The following IL1RAPL2 variants were observed in gnomAD, a reference collection of about 807,000 sequenced individuals.
IL1RAPL2 encodes the protein interleukin 1 receptor accessory protein like 2.
IL1RAPL2 carries 3 observed loss-of-function variants against 44.1 expected under a neutral mutation model. That is an observed-to-expected ratio of 0.07 (90% CI 0.03 to 0.18). The LOEUF (loss-of-function observed/expected upper bound fraction) is 0.18. IL1RAPL2 is among the 10% of genes least tolerant of loss of function. The pLI is 1.00. For synonymous variants in IL1RAPL2, 181 were observed against 178.8 expected (o/e 1.01, Z -0.10); for missense variants, 391 against 496.4 (o/e 0.79, Z 2.02).
chrX:105,013,865 C>T (rs2031114140), intron 2 of IL1RAPL2, among the ~76,000 whole-genome samples: 1 of 111,737 alleles, frequency 8.9e-6, no homozygotes, highest in South Asian at 3.7e-4. Flanking sequence ...TACATATTGC[C>T]TTACATAAAA....
chrX:105,710,208 C>A (rs1480343389), intron 6 of IL1RAPL2, among the ~76,000 whole-genome samples: 1 of 110,705 alleles, frequency 9.0e-6, no homozygotes, highest in East Asian at 2.9e-4. Context: ...GTCTCAGTCT[C>A]TCTTTGTCTA....
intron 2 of IL1RAPL2, among the ~76,000 whole-genome samples, chrX:105,055,353 G>A (rs2031978852): frequency 9.0e-6 from 1 of 111,484 alleles, no homozygotes; most frequent in South Asian, 3.8e-4. Flanking sequence ...ATCAAACTGG[G>A]GATTAGGTTT....
chrX:104,969,796 T>C (rs939440502), intron 2 of IL1RAPL2, among the ~76,000 whole-genome samples: 7 of 112,075 alleles, frequency 6.2e-5, no homozygotes, highest in Non-Finnish European at 9.4e-5. Flanking sequence ...TAGAGACATC[T>C]AAGTTACATC....
At chrX:105,209,278 T>C (rs1233426800) in intron 3 of IL1RAPL2, among the ~76,000 whole-genome samples, 1 of 112,191 alleles carries the variant, frequency 8.9e-6, no homozygotes, top group Non-Finnish European at 1.9e-5. Flanking sequence ...AAATAAAATA[T>C]AGTTTAATTT....
chrX:105,395,142 ACT>A (rs1403137416), intron 5 of IL1RAPL2, among the ~76,000 whole-genome samples: 1 of 111,254 alleles, frequency 9.0e-6, no homozygotes, highest in Non-Finnish European at 1.9e-5. Context: ...TAGTATAGAG[ACT>A]CTATGAATTT....
intron 2 of IL1RAPL2, among the ~76,000 whole-genome samples, chrX:104,989,572 T>C (rs1422264515): frequency 9.0e-6 from 1 of 111,697 alleles, no homozygotes; most frequent in Non-Finnish European, 1.9e-5. Flanking sequence ...ATTCATACAG[T>C]CCTCTTACTG....
In IL1RAPL2 at chrX:105,564,353, T is replaced by C. The variant is rs188089360; in HGVS notation, c.772+79966T>C. 4.6e-4 allele frequency among the ~76,000 whole-genome samples: 52 copies of C among 112,068 alleles called. No individual in the cohort carries two copies. The Admixed American group carries it at 4.8e-3, about 10-fold the overall frequency. On this transcript the variant is annotated intron_variant, in intron 6 of 10. Transcript: ENST00000372582. ...GTAGTTTTTCAGTGAGACCTGGTGT[T>C]TACATGTGAATAGCCCTTGAGTAGT...
At chrX:105,416,087 T>C (rs899181662) in intron 5 of IL1RAPL2, among the ~76,000 whole-genome samples, 1 of 112,072 alleles carries the variant, frequency 8.9e-6, no homozygotes, top group Admixed American at 9.5e-5. Flanking sequence ...ACCTTTTGGC[T>C]TATATTTGTT....
intron 2 of IL1RAPL2, among the ~76,000 whole-genome samples, chrX:105,142,818 C>G (rs2033138121): frequency 9.2e-6 from 1 of 109,234 alleles, no homozygotes; most frequent in Admixed American, 9.9e-5. Context: ...TGATGTTCCC[C>G]TTCCTGTGTC....
chrX:105,233,691 T>G (rs1184442472), intron 3 of IL1RAPL2, 127 bp from the exon 4 acceptor site: 1 of 523,657 alleles, frequency 1.9e-6, no homozygotes, highest in Non-Finnish European at 3.2e-6. Context: ...CTGTGTTGCT[T>G]TGATGTTTTT....
At chrX:105,037,526 C>T (rs1308909147) in intron 2 of IL1RAPL2, among the ~76,000 whole-genome samples, 1 of 110,736 alleles carries the variant, frequency 9.0e-6, no homozygotes, top group Non-Finnish European at 1.9e-5. Context: ...GTCAATAGGC[C>T]AGGCTTCAAA....
chrX:105,480,480 T>G (rs759797723), intron 5 of IL1RAPL2, among the ~76,000 whole-genome samples: 1 of 112,126 alleles, frequency 8.9e-6, no homozygotes, highest in South Asian at 3.7e-4. Flanking sequence ...AAGCAGCTAC[T>G]GAGGAAAGTG....
At chrX:105,274,937 G>A (rs1482199444) in intron 5 of IL1RAPL2, among the ~76,000 whole-genome samples, 1 of 112,235 alleles carries the variant, frequency 8.9e-6, no homozygotes, top group Non-Finnish European at 1.9e-5. Context: ...GAGCCCAGGT[G>A]TGGTGGCTCA....
At position 105,468,560 on chromosome X, in the gene IL1RAPL2, A is replaced by C. The variant is rs776655523; in HGVS notation, c.698-15753A>C. ...TTAAATTTCTTAATAATTTTTGAAC[A>C]AGGGGCCATGTTTTTCATTTTGCAC... On this transcript the variant is annotated intron_variant, in intron 5 of 10. Coordinates refer to ENST00000372582, the MANE Select transcript of IL1RAPL2 (RefSeq NM_017416.2). Among the ~76,000 whole-genome samples, 12 of 111,838 alleles carry C rather than the reference A, an allele frequency of 1.1e-4. No individual in the cohort carries two copies. The South Asian group carries it at 4.5e-3, about 42-fold the overall frequency.
rs1413870107 is a variant in IL1RAPL2, at chrX:104,673,820, T to G, written c.82+14825T>G. Reference sequence around the variant, plus strand: ...CCTTGAAGAGGTCCTTCACATCCCTTGTAAGTTGGATTCCTAGGTATTTTA... The same window carrying G: ...CCTTGAAGAGGTCCTTCACATCCCTGGTAAGTTGGATTCCTAGGTATTTTA... On this transcript the variant is annotated intron_variant, in intron 2 of 10. Transcript: ENST00000372582. Among the ~76,000 whole-genome samples the G allele has an allele frequency of 2.8e-4, 30 of 108,532 alleles. No individual in the cohort carries two copies. In the East Asian group the frequency reaches 8.1e-3, roughly 29 times the overall value. The allele number at this position is 108,532 out of a possible 115,157, so 94.2% of individuals were successfully genotyped here.
At chrX:105,037,194 A>C (rs1262843559) in intron 2 of IL1RAPL2, among the ~76,000 whole-genome samples, 3 of 111,794 alleles carry the variant, frequency 2.7e-5, no homozygotes, top group Non-Finnish European at 3.8e-5. Flanking sequence ...TCTTGATGTC[A>C]GAATTGGTTG....
Position 105,757,743 on chromosome X carries a change from C to T in IL1RAPL2, c.1363+2396C>T, listed in dbSNP as rs567089094. On this transcript the variant is annotated intron_variant, in intron 10 of 10. Coordinates refer to ENST00000372582, the MANE Select transcript of IL1RAPL2 (RefSeq NM_017416.2). ...TTGATTTTAATCCTTCCTTCCTGAA[C>T]GAGGAAATTCATGTTCTCTGAATTC... is the stretch of plus-strand genomic sequence containing the variant. Among the ~76,000 whole-genome samples the T allele has an allele frequency of 1.1e-4, 12 of 111,400 alleles. No homozygotes were observed. The East Asian group carries it at 2.6e-3, about 24-fold the overall frequency.
At chrX:105,580,626 GACAA>G (rs2037082972) in intron 6 of IL1RAPL2, among the ~76,000 whole-genome samples, 1 of 111,025 alleles carries the variant, frequency 9.0e-6, no homozygotes, top group Non-Finnish European at 1.9e-5. Context: ...TGCAGGACAG[GACAA>G]ACAAACAAAT....
intron 5 of IL1RAPL2, among the ~76,000 whole-genome samples, chrX:105,382,881 A>G (rs1242964831): frequency 9.7e-6 from 1 of 103,190 alleles, no homozygotes; most frequent in Non-Finnish European, 2.0e-5. Context: ...AAAAAACCAA[A>G]CACCGCATGT....
Sources: allele counts gnomAD v4.1 joint callset (sites outside exome capture counted in the v4.1 genomes callset), GRCh38; gene constraint gnomAD v4.1.1; transcripts MANE v1.5; gene names NCBI Gene and HGNC (gene_info 2026-07-23, HGNC 2026-07-21).